Variants in HTR1E observed in about 807,000 individuals in gnomAD.
The protein encoded by HTR1E is 5-HT-1E.
In HTR1E, 3 loss-of-function variants were observed where a neutral mutation model predicts 3.4. The ratio of observed to expected loss-of-function variants is 0.89; its 90% confidence interval spans 0.41 to 2.31. The LOEUF (loss-of-function observed/expected upper bound fraction) is 2.31. HTR1E is among the 30% of genes most tolerant of loss of function. The pLI is 0.05. For missense variants in HTR1E, 392 were observed against 467.0 expected (o/e 0.84, Z 1.48); for synonymous variants, 170 against 182.8 (o/e 0.93, Z 0.56).
intron 1 of HTR1E, among the ~76,000 whole-genome samples, chr6:86,950,729 G>A (rs1767226342): frequency 6.6e-6 from 1 of 152,098 alleles, no homozygotes; most frequent in African/African-American, 2.4e-5. Context: ...ACCCTAAGAA[G>A]GCTATCAAAT....
intron 1 of HTR1E, among the ~76,000 whole-genome samples, chr6:86,995,152 T>G (rs2127828686): frequency 6.6e-6 from 1 of 152,102 alleles, no homozygotes; most frequent in Non-Finnish European, 1.5e-5. Flanking sequence ...CATTGAATTT[T>G]AAAAGGTCTA....
intron 1 of HTR1E, among the ~76,000 whole-genome samples, chr6:86,979,558 G>A (rs928482854): frequency 6.6e-6 from 1 of 152,142 alleles, no homozygotes; most frequent in Non-Finnish European, 1.5e-5. Flanking sequence ...ATATATATTT[G>A]AGTCTATTAC....
At chr6:87,010,969 G>T (rs140416390) in intron 1 of HTR1E, among the ~76,000 whole-genome samples, 18 of 152,342 alleles carry the variant, frequency 1.2e-4, no homozygotes, top group African/African-American at 4.3e-4. Flanking sequence ...GGATTCCAAT[G>T]ATTGCATAAT....
At chr6:86,941,976 A>G (rs1768552573) in intron 1 of HTR1E, among the ~76,000 whole-genome samples, 1 of 152,220 alleles carries the variant, frequency 6.6e-6, no homozygotes, top group African/African-American at 2.4e-5. Context: ...AGCTACTAGG[A>G]AAATTCAAGG....
At chr6:86,957,150 T>G (rs1345636603) in intron 1 of HTR1E, among the ~76,000 whole-genome samples, 1 of 152,164 alleles carries the variant, frequency 6.6e-6, no homozygotes, top group African/African-American at 2.4e-5. Context: ...CCAACAAAAT[T>G]TAAGAAGTCT....
chr6:87,003,023 ATTC>A (rs1337896493), intron 1 of HTR1E, among the ~76,000 whole-genome samples: 6 of 152,220 alleles, frequency 3.9e-5, no homozygotes, highest in Admixed American at 2.0e-4. Context: ...CAGAATACGT[ATTC>A]TTCTCTTCAG....
chr6:87,007,552 C>T (rs1554184529), intron 1 of HTR1E, among the ~76,000 whole-genome samples: 2 of 152,136 alleles, frequency 1.3e-5, no homozygotes, highest in Non-Finnish European at 2.9e-5. Context: ...GTGATGATTA[C>T]TTGTTGTATG....
chr6:86,984,361 C>T (rs1387156609), intron 1 of HTR1E, among the ~76,000 whole-genome samples: 1 of 152,170 alleles, frequency 6.6e-6, no homozygotes, highest in Non-Finnish European at 1.5e-5. Flanking sequence ...GATCAATCCA[C>T]ATTCTTTCAA....
intron 1 of HTR1E, among the ~76,000 whole-genome samples, chr6:86,995,418 C>T (rs576573117): frequency 7.4e-4 from 113 of 151,708 alleles, no homozygotes; most frequent in African/African-American, 2.6e-3. Flanking sequence ...GTAATCCCAG[C>T]ACTTTGGGAG....
intron 1 of HTR1E, among the ~76,000 whole-genome samples, chr6:86,987,449 G>A (rs980054260): frequency 1.3e-5 from 2 of 151,998 alleles, no homozygotes; most frequent in Admixed American, 6.6e-5. Context: ...GCTCCGTAAT[G>A]TATAAGGAGC....
intron 1 of HTR1E, among the ~76,000 whole-genome samples, chr6:87,010,295 CGGCTGGCCGGGCGGGGG>C (rs1768193963): frequency 1.0e-5 from 1 of 97,798 alleles, no homozygotes; most frequent in African/African-American, 4.6e-5. Context: ...CCGGACGGGG[CGGCTGGCCGGGCGGGGG>C]GGCTGACCCC....
intron 1 of HTR1E, among the ~76,000 whole-genome samples, chr6:86,982,312 A>G (rs985362742): frequency 3.7e-4 from 56 of 152,206 alleles, no homozygotes; most frequent in African/African-American, 1.3e-3. Flanking sequence ...AGATAATTTT[A>G]TACCTTTACT....
Position 87,010,481 on chromosome 6 carries a change from G to A in HTR1E, c.-185-4669G>A, listed in dbSNP as rs535118001. Among the ~76,000 whole-genome samples, 930 of 148,660 alleles carry A rather than the reference G, an allele frequency of 6.3e-3. 3 individuals carry two copies. The highest frequency in any genetic ancestry group is 0.01 in the Non-Finnish European group (693 of 66,658). The stretch of plus-strand genomic sequence containing the variant: ...TCACCTCCCAGACGGGGTCTCGGCC[G>A]GGCAGAGGCGCTCCTCACATCCCAG... On this transcript the variant is annotated intron_variant, in intron 1 of 1. Transcript: ENST00000305344.
At chr6:86,964,704 A>G (rs188822258) in intron 1 of HTR1E, among the ~76,000 whole-genome samples, 301 of 152,364 alleles carry the variant, frequency 2.0e-3, no homozygotes, top group Middle Eastern at 6.8e-3. Flanking sequence ...TTTTTAAATC[A>G]TCTTAAAATA....
intron 1 of HTR1E, among the ~76,000 whole-genome samples, chr6:86,993,554 A>G (rs1767897586): frequency 6.7e-6 from 1 of 149,936 alleles, no homozygotes; most frequent in Non-Finnish European, 1.5e-5. Flanking sequence ...CTATATTTCT[A>G]CCAAGCACTA....
chr6:86,994,765 G>A (rs754983229), intron 1 of HTR1E, among the ~76,000 whole-genome samples: 1 of 152,058 alleles, frequency 6.6e-6, no homozygotes, highest in Non-Finnish European at 1.5e-5. Context: ...GATAGTTAAA[G>A]CAAAATTGTA....
At chr6:86,983,956 T>C (rs1294490369) in intron 1 of HTR1E, among the ~76,000 whole-genome samples, 2 of 152,134 alleles carry the variant, frequency 1.3e-5, no homozygotes, top group African/African-American at 4.8e-5. Flanking sequence ...CCTAGAATTA[T>C]TTGACTTTCA....
At chr6:86,948,854 A>G (rs1229603625) in intron 1 of HTR1E, among the ~76,000 whole-genome samples, 19 of 152,204 alleles carry the variant, frequency 1.2e-4, no homozygotes, top group Admixed American at 1.2e-3. Context: ...ATTTAAGGAT[A>G]CATGCCAGGA....
chr6:86,971,731 GGGATGTGC>G (rs1767560275), intron 1 of HTR1E, among the ~76,000 whole-genome samples: 1 of 152,178 alleles, frequency 6.6e-6, no homozygotes, highest in East Asian at 1.9e-4. Context: ...AGATTCAGAG[GGGATGTGC>G]AGGTTTTGAC....
Sources: allele counts gnomAD v4.1 joint callset (sites outside exome capture counted in the v4.1 genomes callset), GRCh38; gene constraint gnomAD v4.1.1; transcripts MANE v1.5; gene names NCBI Gene and HGNC (gene_info 2026-07-23, HGNC 2026-07-21).